The following DNAH2 variants were observed in gnomAD, a reference collection of about 807,000 sequenced individuals.
DNAH2 encodes axonemal beta dynein heavy chain 2.
Under a neutral mutation model 523.5 loss-of-function variants are expected in DNAH2, and 323 were observed. That is an observed-to-expected ratio of 0.62 (90% CI 0.56 to 0.68). The LOEUF is 0.68. Among genes scored for constraint, DNAH2 ranks in the 30% least tolerant of loss-of-function variants. The pLI is 0.00. For missense variants in DNAH2, 4,907 were observed against 5,701.5 expected (o/e 0.86, Z 4.49); for synonymous variants, 2,093 against 2,177.4 (o/e 0.96, Z 1.08).
intron 31 of DNAH2, among the ~76,000 whole-genome samples, chr17:7,776,405 G>A (rs528370627): frequency 2.0e-5 from 3 of 152,320 alleles, no homozygotes; most frequent in African/African-American, 7.2e-5. Flanking sequence ...GGTGAAGGTT[G>A]TAGTGAGCCG....
At position 7,731,557 on chromosome 17, in the gene DNAH2, T is replaced by C. The variant is rs1038083063; in HGVS notation, c.400-1530T>C. Among the ~76,000 whole-genome samples, 8 of 152,260 alleles carry C rather than the reference T, an allele frequency of 5.3e-5. No individual in the cohort carries two copies. The East Asian group carries it at 1.3e-3, about 26-fold the overall frequency. On this transcript the variant is annotated intron_variant, in intron 4 of 85. Coordinates refer to ENST00000572933, the MANE Select transcript of DNAH2 (RefSeq NM_020877.5). Reference sequence around the variant, plus strand: ...ATTTTAATTTAATTTTCTATATGTATATAGCTATAGAAAAATATGTAGAAT... The same window carrying C: ...ATTTTAATTTAATTTTCTATATGTACATAGCTATAGAAAAATATGTAGAAT...
intron 72 of DNAH2, among the ~76,000 whole-genome samples, chr17:7,819,790 G>C (rs2077802773): frequency 6.6e-6 from 1 of 152,156 alleles, no homozygotes; most frequent in Non-Finnish European, 1.5e-5. Context: ...CCTGGTCTGT[G>C]GATCACATTT....
At chr17:7,824,510 C>T in intron 76 of DNAH2, 27 bp from the exon 77 acceptor site, 1 of 1,500,928 alleles carries the variant, frequency 6.7e-7, no homozygotes, top group East Asian at 2.5e-5. Flanking sequence ...GGAAATGATT[C>T]CCACTGACCC....
At chr17:7,735,600 G>A (rs1435366323) in intron 7 of DNAH2, among the ~76,000 whole-genome samples, 4 of 151,424 alleles carry the variant, frequency 2.6e-5, no homozygotes, top group African/African-American at 7.3e-5. Flanking sequence ...CAGCATGCCC[G>A]GCTAACTGTT....
rs1227311830 is a variant in DNAH2, at chr17:7,780,229, A to T, written c.5795A>T (p.Asp1932Val). 1 of 1,614,048 alleles carries T rather than the reference A, an allele frequency of 6.2e-7. No individual in the cohort carries two copies. The highest frequency in any genetic ancestry group is 8.5e-7 in the Non-Finnish European group (1 of 1,179,994). The stretch of plus-strand genomic sequence containing the variant: ...CGCCCAATTGCCATGGTGGTGCCTG[A>T]CTCCACCCTCATTGCAGAAATCATT... ...MFRPIAMVVP[D>V]STLIAEIILF... Residue 1932 changes from aspartate to valine, a missense_variant, in exon 37 of 86, where the codon GAC becomes GTC. Around this residue, in one of 3 missense-constraint regions of DNAH2, gnomAD observed 2,806 missense variants for 3,190.8 expected, o/e 0.88. Coordinates refer to ENST00000572933, the MANE Select transcript of DNAH2 (RefSeq NM_020877.5). This position sits in a 1 kb window ranked among gnomAD's most constrained non-coding sequence, Gnocchi z 4.4.
chr17:7,817,513 G>C (rs749389834), intron 65 of DNAH2, 48 bp from the exon 66 acceptor site: 2 of 1,613,644 alleles, frequency 1.2e-6, no homozygotes, highest in South Asian at 2.2e-5. Flanking sequence ...CGCGGGGGCT[G>C]CTGGGCTCAG....
intron 18 of DNAH2, among the ~76,000 whole-genome samples, chr17:7,761,451 A>T (rs898713574): frequency 2.0e-5 from 3 of 151,152 alleles, no homozygotes; most frequent in Non-Finnish European, 2.9e-5. Context: ...TTTTTTTAAA[A>T]TTTTTTGTAG....
At chr17:7,824,893 A>G (rs561682374) in intron 77 of DNAH2, among the ~76,000 whole-genome samples, 166 bp downstream of exon 77, 1 of 152,342 alleles carries the variant, frequency 6.6e-6, no homozygotes, top group South Asian at 2.1e-4. Flanking sequence ...CACAATAATA[A>G]GAGCTAACAT....
chr17:7,741,323 C>CTCCTTCCTTCCTTCCTTCCT lies in DNAH2; in HGVS notation c.1689+349_1689+368dup, dbSNP rs1555540880. Among the ~76,000 whole-genome samples, 104 of 59,334 alleles carry CTCCTTCCTTCCTTCCTTCCT rather than the reference C, an allele frequency of 1.8e-3. 2 individuals carry two copies. The highest frequency in any genetic ancestry group is 1.9e-3 in the African/African-American group (20 of 10,726). The allele number at this position is 59,334 out of a possible 152,430, so 38.9% of individuals were successfully genotyped here. A position where few individuals can be genotyped will look rare whatever the true frequency, so the allele number is the denominator to read the frequency against. ...CTTCCTTCCCTCCCTCCCTCCCTCC[C>CTCCTTCCTTCCTTCCTTCCT]TCCTTCCTTCCTTCCTTCCTTCCTT... is the stretch of plus-strand genomic sequence containing the variant. On this transcript the variant is annotated intron_variant, in intron 11 of 85. Transcript: ENST00000572933.
chr17:7,743,086 C>A lies in DNAH2; in HGVS notation c.1848C>A (p.Thr616=). The A allele has an allele frequency of 1.3e-6, 2 of 1,552,502 alleles. No homozygotes were observed. The highest frequency in any genetic ancestry group is 1.7e-6 in the Non-Finnish European group (2 of 1,155,496). Residue 616 remains threonine (T), a synonymous_variant, in exon 12 of 86, where the codon ACC becomes ACA. Coordinates refer to ENST00000572933, the MANE Select transcript of DNAH2 (RefSeq NM_020877.5). The part of the protein sequence containing the change: ...LDKDCIRRLD[T]PLLRISQEKA... ...AGGATTGCATTCGGCGGTTGGATAC[C>A]CCATTGCTGCGAATCAGCCAGGAGA...
rs1334553806 is a variant in DNAH2, at chr17:7,733,305, C to T, written c.618C>T (p.Ala206=). ...CTTCTCATCTGCACAAGTTCTTGGC[C>T]TGCCTGACAGGTAAGTGGGAAGACC... The part of the protein sequence containing the change: ...HFASHLHKFL[A]CLTDTRYKLE... The change falls in exon 5 of 86, where the codon GCC becomes GCT. Residue 206 remains alanine (A), a synonymous_variant. Coordinates refer to ENST00000572933, the MANE Select transcript of DNAH2 (RefSeq NM_020877.5). The T allele has an allele frequency of 1.9e-6, 3 of 1,613,866 alleles. No homozygotes were observed. Among genetic ancestry groups the T allele is most frequent in the Non-Finnish European group, 2.5e-6 (3 of 1,180,018 alleles).
chr17:7,830,269 T>C lies in DNAH2; in HGVS notation c.11854-31T>C, dbSNP rs377515325. On this transcript the variant is annotated intron_variant, in intron 77 of 85. Coordinates refer to ENST00000572933, the MANE Select transcript of DNAH2 (RefSeq NM_020877.5). ...GTGGCAGGTCTGAGTGTGATGCATG[T>C]CACCCCATCTTTATATTTCATTGTC... 7.5e-6 allele frequency: 12 copies of C among 1,595,774 alleles called. No individual in the cohort carries two copies. The African/African-American group carries it at 1.6e-4, about 21-fold the overall frequency.
At position 7,797,680 on chromosome 17, in the gene DNAH2, G is replaced by A; in HGVS notation, c.8081G>A (p.Gly2694Glu). 1 of 1,614,054 alleles carries A rather than the reference G, an allele frequency of 6.2e-7. No individual in the cohort carries two copies. The highest frequency in any genetic ancestry group is 8.5e-7 in the Non-Finnish European group (1 of 1,180,012). Reference protein sequence around the residue: ...LCPSKRPPIFGDFLKEPKVYE... With the variant: ...LCPSKRPPIFEDFLKEPKVYE... ...CTGATCCCCTCTTCCCATGGCTCAG[G>A]GGATTTCCTGAAGGAGCCCAAGGTG... The change falls in exon 53 of 86, where the codon GGG becomes GAG. Residue 2694 changes from glycine (G) to glutamate (E), a missense_variant and splice_region_variant. Physicochemically the swap from Gly to Glu is moderately conservative, Grantham distance 98. Around this residue, in one of 3 missense-constraint regions of DNAH2, gnomAD observed 250 missense variants for 371.3 expected, o/e 0.67. Transcript: ENST00000572933.
At chr17:7,822,418 C>A (rs932888701) in intron 73 of DNAH2, among the ~76,000 whole-genome samples, 21 of 152,174 alleles carry the variant, frequency 1.4e-4, no homozygotes, top group African/African-American at 5.1e-4. Flanking sequence ...AGGGCCTTTG[C>A]GTGGCCATGC....
At chr17:7,739,640 T>G in intron 8 of DNAH2, 93 bp from the exon 9 acceptor site, 1 of 1,156,312 alleles carries the variant, frequency 8.6e-7, no homozygotes, top group Non-Finnish European at 1.2e-6. Context: ...TCACTCACAG[T>G]GATGTTTTTA....
chr17:7,781,822 A>C lies in DNAH2; in HGVS notation c.6129+655A>C, dbSNP rs149918494. ...CCATGCCTCTACTTCTCACCTCATC[A>C]GGGAGTTTTGAGGAGGGGCTGCTAG... On this transcript the variant is annotated intron_variant, in intron 39 of 85. Coordinates refer to ENST00000572933, the MANE Select transcript of DNAH2 (RefSeq NM_020877.5). 6.3e-3 allele frequency among the ~76,000 whole-genome samples: 964 copies of C among 152,220 alleles called. 8 individuals are homozygous for C. Among genetic ancestry groups the C allele is most frequent in the African/African-American group, 0.021 (873 of 41,512 alleles).
At position 7,798,194 on chromosome 17, in the gene DNAH2, C is replaced by T. The variant is rs1322179585; in HGVS notation, c.8268C>T (p.Gly2756=). The T allele has an allele frequency of 6.2e-7, 1 of 1,610,766 alleles. No homozygotes were observed. Among genetic ancestry groups the T allele is most frequent in the Non-Finnish European group, 8.5e-7 (1 of 1,177,402 alleles). ...RIVRVIGQPR[G]NMLLVGIGGS... is the part of the protein sequence containing the mutation. ...TGCGGGTCATTGGACAGCCTCGGGG[C>T]AACATGCTCCTGGTGGGTATCGGGG... Residue 2756 remains glycine, a synonymous_variant, in exon 54 of 86, where the codon GGC becomes GGT. Transcript: ENST00000572933. This position sits in a 1 kb window ranked among gnomAD's most constrained non-coding sequence, Gnocchi z 5.5.
intron 39 of DNAH2, among the ~76,000 whole-genome samples, chr17:7,782,275 T>C (rs558438915): frequency 2.6e-5 from 4 of 152,324 alleles, no homozygotes; most frequent in Non-Finnish European, 4.4e-5. Context: ...GAAGCGTATA[T>C]ACAGGAAAGA....
intron 12 of DNAH2, among the ~76,000 whole-genome samples, chr17:7,755,834 CTG>C (rs1409640213): frequency 1.3e-5 from 2 of 150,566 alleles, no homozygotes; most frequent in Non-Finnish European, 3.0e-5. Context: ...GACAGTGTCT[CTG>C]TTGCCTAGGC....
Sources: allele counts gnomAD v4.1 joint callset (sites outside exome capture counted in the v4.1 genomes callset), GRCh38; gene constraint gnomAD v4.1.1; regional missense constraint gnomAD v4.1.1; non-coding constraint Gnocchi (gnomAD v3.1); transcripts MANE v1.5; gene names NCBI Gene and HGNC (gene_info 2026-07-23, HGNC 2026-07-21).